Variants in RMDN1 observed in about 807,000 individuals in gnomAD.
RMDN1 encodes regulator of microtubule dynamics 1.
In RMDN1, 48 loss-of-function variants were observed where a neutral mutation model predicts 48.9. The observed-to-expected ratio is 0.98, with a 90% CI of 0.78 to 1.25. RMDN1 has a LOEUF of 1.25. Among genes scored for constraint, RMDN1 ranks in the 50% most tolerant of loss-of-function variants. The probability of loss-of-function intolerance (pLI) is 0.00; values close to 1 mark genes in which losing one functional copy is unlikely to be tolerated. For synonymous variants in RMDN1, 148 were observed against 132.6 expected (o/e 1.12, Z -0.80); for missense variants, 418 against 373.4 (o/e 1.12, Z -0.98).
At chr8:86,478,621 G>A in intron 7 of RMDN1, 1 of 312,644 alleles carries the variant, frequency 3.2e-6, no homozygotes, top group Non-Finnish European at 5.9e-6. Flanking sequence ...TGTATTTCTT[G>A]TTCTATTTTA....
At chr8:86,481,680 G>A (rs1814485538) in intron 5 of RMDN1, 1 of 378,080 alleles carries the variant, frequency 2.6e-6, no homozygotes, top group Non-Finnish European at 4.9e-6. Flanking sequence ...TTCCAAATTT[G>A]GATTCTTGCT....
chr8:86,481,007 T>C (rs1278101563), intron 5 of RMDN1, among the ~76,000 whole-genome samples: 2 of 152,154 alleles, frequency 1.3e-5, no homozygotes, highest in Admixed American at 1.3e-4. Context: ...TGTTCCTCCT[T>C]TTATCCATTA....
intron 2 of RMDN1, among the ~76,000 whole-genome samples, chr8:86,497,730 AAAAG>A (rs1324028666): frequency 6.6e-6 from 1 of 151,812 alleles, no homozygotes; most frequent in East Asian, 1.9e-4. Flanking sequence ...GAAAGAAAAA[AAAAG>A]AAACAGAGAA....
upstream of RMDN1, among the ~76,000 whole-genome samples, chr8:86,509,589 A>G (rs1177919803): frequency 1.3e-5 from 2 of 152,196 alleles, no homozygotes; most frequent in African/African-American, 4.8e-5. Flanking sequence ...TTAATACTGT[A>G]TAGGGAATTA....
At chr8:86,504,362 T>TTA (rs1386351234) in intron 2 of RMDN1, 1 of 1,572,638 alleles carries the variant, frequency 6.4e-7, no homozygotes, top group Non-Finnish European at 8.7e-7. Flanking sequence ...GTGCTGGAGT[T>TTA]CTTTAGAGTA....
Position 86,474,113 on chromosome 8 carries a change from T to C in RMDN1, c.*195A>G, listed in dbSNP as rs145753242. 1.1e-4 allele frequency: 146 copies of C among 1,306,582 alleles called. No individual in the cohort carries two copies. In the African/African-American group the frequency reaches 1.9e-3, roughly 17 times the overall value. 80.9% of individuals were successfully genotyped at this position (1,306,582 alleles called of 1,614,324 possible). On this transcript the variant is annotated 3_prime_UTR_variant, in exon 10 of 10. Transcript: ENST00000406452. Reference sequence around the variant, plus strand: ...TCTTTGCCTGAGCCATGGAGATTTATTTCTACCACTCTTATGGCGATTATT... The same window carrying C: ...TCTTTGCCTGAGCCATGGAGATTTACTTCTACCACTCTTATGGCGATTATT...
intron 6 of RMDN1, 80 bp from the exon 7 acceptor site, chr8:86,479,090 T>C: frequency 9.7e-7 from 1 of 1,028,254 alleles, no homozygotes; most frequent in Non-Finnish European, 1.5e-6. Context: ...CTTAATACTA[T>C]AAAAGGAATC....
intron 3 of RMDN1, 67 bp from the exon 4 acceptor site, chr8:86,486,710 A>G (rs1470167971): frequency 1.6e-6 from 2 of 1,220,808 alleles, no homozygotes; most frequent in Non-Finnish European, 2.2e-6. Context: ...GGGTTACATT[A>G]CTAATGAATA....
chr8:86,500,202 C>T (rs1207575359), intron 2 of RMDN1, among the ~76,000 whole-genome samples: 1 of 152,010 alleles, frequency 6.6e-6, no homozygotes, highest in Non-Finnish European at 1.5e-5. Context: ...TAAAGAGCTT[C>T]TATATAGCAA....
chr8:86,510,542 T>C (rs1297869310), upstream of RMDN1, among the ~76,000 whole-genome samples: 1 of 152,204 alleles, frequency 6.6e-6, no homozygotes, highest in Non-Finnish European at 1.5e-5. Flanking sequence ...ATTGAACTTT[T>C]GGGCTGAAGA....
upstream of RMDN1, among the ~76,000 whole-genome samples, chr8:86,508,945 A>T (rs530171820): frequency 1.3e-5 from 2 of 152,262 alleles, no homozygotes; most frequent in Non-Finnish European, 2.9e-5. Flanking sequence ...GGGCACAAGG[A>T]TTCGTCGCCA....
In RMDN1 at chr8:86,488,568, T is replaced by A; in HGVS notation, c.319A>T (p.Thr107Ser). 4 of 1,609,348 alleles carry A rather than the reference T, an allele frequency of 2.5e-6. No homozygotes were observed. Among genetic ancestry groups the A allele is most frequent in the Non-Finnish European group, 3.4e-6 (4 of 1,177,628 alleles). ...GETEKLYQLL[T>S]QYKESEDAEL... ...ATTGCTTACCTTTCCTTGTATTGGG[T>A]TAGCAACTGATAAAGTTTTTCTGTT... Residue 107 changes from threonine (T) to serine (S), a missense_variant, in exon 3 of 10, where the codon ACC (threonine) becomes TCC (serine). By Grantham distance (58) the Thr-to-Ser change is moderately conservative. Coordinates refer to ENST00000406452, the MANE Select transcript of RMDN1 (RefSeq NM_016033.3).
In RMDN1 at chr8:86,498,221, A is replaced by C. The variant is rs117383615; in HGVS notation, c.247+8774T>G. 8.6e-3 allele frequency among the ~76,000 whole-genome samples: 1,313 copies of C among 152,090 alleles called. 11 individuals carry two copies. Among genetic ancestry groups the C allele is most frequent in the Non-Finnish European group, 0.012 (830 of 67,996 alleles). On this transcript the variant is annotated intron_variant, in intron 2 of 9. Coordinates refer to ENST00000406452, the MANE Select transcript of RMDN1 (RefSeq NM_016033.3). ...AACCAGGAAGAAATGAAATCCTTGTAATAGTCCAATAACAAGTTCGAAAAT... is the reference window on the plus strand; with the variant it reads ...AACCAGGAAGAAATGAAATCCTTGTCATAGTCCAATAACAAGTTCGAAAAT...
At chr8:86,487,390 G>A (rs1489139798) in intron 3 of RMDN1, among the ~76,000 whole-genome samples, 1 of 152,138 alleles carries the variant, frequency 6.6e-6, no homozygotes, top group African/African-American at 2.4e-5. Context: ...GATCACCTGA[G>A]GTCAGGAGTT....
intron 7 of RMDN1, 26 bp downstream of exon 7, chr8:86,478,897 T>C (rs1247288764): frequency 6.4e-7 from 1 of 1,568,634 alleles, no homozygotes; most frequent in Non-Finnish European, 8.8e-7. Flanking sequence ...AAATCCGTAC[T>C]AACTTAACAA....
chr8:86,514,212 G>T, intron 1 of RMDN1: 1 of 968,858 alleles, frequency 1.0e-6, no homozygotes, highest in Non-Finnish European at 1.2e-6. Flanking sequence ...AATCCTTAAG[G>T]AATTTATTTT....
intron 2 of RMDN1, among the ~76,000 whole-genome samples, chr8:86,503,180 C>T (rs764748267): frequency 2.0e-5 from 3 of 151,738 alleles, no homozygotes; most frequent in East Asian, 3.9e-4. Context: ...GGTGAAACCC[C>T]GTCTCTACTA....
chr8:86,507,140 C>T, intron 1 of RMDN1, 28 bp from the exon 2 acceptor site: 2 of 1,438,880 alleles, frequency 1.4e-6, no homozygotes, highest in Non-Finnish European at 2.0e-6. Context: ...TTAAGAGTTA[C>T]AAACTTTGAA....
Position 86,472,465 on chromosome 8 carries a change from T to C in RMDN1, c.*1843A>G, listed in dbSNP as rs1307176740. On this transcript the variant is annotated 3_prime_UTR_variant, in exon 10 of 10. Transcript: ENST00000406452. The stretch of plus-strand genomic sequence containing the variant: ...CCCACTTCCTGGCCCTTCAGCTGCT[T>C]CTGTTTCTCTTCACCTACAAAAATA... 2.8e-6 allele frequency: 2 copies of C among 702,520 alleles called. No homozygotes were observed. Among genetic ancestry groups the C allele is most frequent in the Non-Finnish European group, 2.6e-6 (1 of 384,986 alleles). The allele number at this position is 702,520 out of a possible 1,614,324, so 43.5% of individuals were successfully genotyped here. A position where few individuals can be genotyped will look rare whatever the true frequency, so the allele number is the denominator to read the frequency against.
Sources: gnomAD v4.1 joint callset for allele counts (sites outside exome capture counted in the v4.1 genomes callset) on GRCh38, gnomAD v4.1.1 for gene constraint, MANE v1.5 for transcripts, NCBI Gene and HGNC (gene_info 2026-07-23, HGNC 2026-07-21) for gene names.